Variants in TMEM156 observed in about 807,000 individuals in gnomAD.
The protein encoded by TMEM156 is transmembrane protein 156.
Under a neutral mutation model 30.5 loss-of-function variants are expected in TMEM156, and 28 were observed. That is an observed-to-expected ratio of 0.92 (90% CI 0.68 to 1.26). The LOEUF (loss-of-function observed/expected upper bound fraction) is 1.26. Ranked by LOEUF, TMEM156 falls within the 50% of genes most tolerant of loss-of-function variation. The pLI is 0.00. For synonymous variants in TMEM156, 137 were observed against 119.9 expected, an observed-to-expected ratio of 1.14 and a Z score of -0.93; for missense variants, 351 against 340.6, an observed-to-expected ratio of 1.03 and a Z score of -0.24.
intron 3 of TMEM156, among the ~76,000 whole-genome samples, chr4:38,990,837 T>TTTTTTTTTTTTTG (rs1560365356): frequency 7.7e-6 from 1 of 129,180 alleles, no homozygotes; most frequent in East Asian, 2.2e-4. Context: ...CTGGTTTTTT[T>TTTTTTTTTTTTTG]TTTTTTTTTT....
chr4:39,032,238 T>C lies in TMEM156; in HGVS notation c.76A>G (p.Lys26Glu), dbSNP rs867945193. The change falls in exon 1 of 7, where the codon AAG becomes GAG. Residue 26 changes from lysine to glutamate, a missense_variant. Lys to Glu is a moderately conservative substitution (Grantham distance 56). Transcript: ENST00000381938. ...TFILILPEYF[K>E]TPKERTLELS... ...ATTATATACTCACCTTTCGGTGTCT[T>C]GAAATATTCCGGCAAAATTAAAATG... 1.9e-6 allele frequency: 3 copies of C among 1,603,008 alleles called. No homozygotes were observed. The Middle Eastern group carries it at 5.0e-4, about 266-fold the overall frequency.
rs986193973 is a variant in TMEM156, at chr4:38,993,901, C to T, written c.456G>A (p.Leu152=). Residue 152 remains leucine, a synonymous_variant, in exon 3 of 7, where the codon TTG becomes TTA. Transcript: ENST00000381938. ...GATGACAGGTAGTGTTATATTCCTC[C>T]AAGTGGTCAACCAGAGGAGCTACAC... ...NFSVAPLVDH[L]EEYNTTCHLK... is the part of the protein sequence containing the mutation. 15 of 1,613,992 alleles carry T rather than the reference C, an allele frequency of 9.3e-6. No individual in the cohort carries two copies. The South Asian group carries it at 1.4e-4, about 15-fold the overall frequency.
chr4:39,003,612 T>C (rs1713532624), intron 1 of TMEM156, among the ~76,000 whole-genome samples: 1 of 151,366 alleles, frequency 6.6e-6, no homozygotes, highest in Admixed American at 6.7e-5. Context: ...GGGATCTTAA[T>C]ATATTTATAA....
chr4:38,975,806 A>G (rs1722825120), intron 5 of TMEM156, among the ~76,000 whole-genome samples: 1 of 152,176 alleles, frequency 6.6e-6, no homozygotes, highest in Admixed American at 6.5e-5. Context: ...CATGAACCAG[A>G]TGGGATTTCA....
intron 4 of TMEM156, 21 bp downstream of exon 4, chr4:38,988,830 C>G: frequency 1.2e-6 from 2 of 1,613,654 alleles, no homozygotes; most frequent in Non-Finnish European, 1.7e-6. Flanking sequence ...AGTTCCTCGG[C>G]ACTACAGGGA....
intron 1 of TMEM156, among the ~76,000 whole-genome samples, chr4:39,016,393 A>G (rs1174466671): frequency 2.7e-5 from 4 of 150,258 alleles, no homozygotes; most frequent in Non-Finnish European, 5.9e-5. Flanking sequence ...AAAGAAGAAG[A>G]AAGAAAGAAC....
At chr4:38,982,106 C>T (rs1044426937) in intron 5 of TMEM156, among the ~76,000 whole-genome samples, 2 of 152,110 alleles carry the variant, frequency 1.3e-5, no homozygotes, top group Admixed American at 1.3e-4. Context: ...TAATCAGCAG[C>T]GATGGAGGCC....
At chr4:39,003,063 T>A (rs1403229499) in intron 1 of TMEM156, among the ~76,000 whole-genome samples, 1 of 151,932 alleles carries the variant, frequency 6.6e-6, no homozygotes. Flanking sequence ...TGAAATAAAA[T>A]AATTACCCCT....
At position 39,004,965 on chromosome 4, in the gene TMEM156, G is replaced by A. The variant is rs1049577081; in HGVS notation, c.89-6056C>T. ...CAGCTTTCTTACTTATAATAGCCAA[G>A]AACTGGAAACAATTCAAATGTCTAA... On this transcript the variant is annotated intron_variant, in intron 1 of 6. Coordinates refer to ENST00000381938, the MANE Select transcript of TMEM156 (RefSeq NM_024943.3). Among the ~76,000 whole-genome samples the A allele has an allele frequency of 5.3e-5, 8 of 152,194 alleles. No individual in the cohort carries two copies. The South Asian group carries it at 6.2e-4, about 12-fold the overall frequency.
chr4:38,989,612 A>G (rs1712267492), intron 3 of TMEM156, among the ~76,000 whole-genome samples: 1 of 152,164 alleles, frequency 6.6e-6, no homozygotes, highest in Admixed American at 6.5e-5. Context: ...TTCAGATGAC[A>G]ATGAGGCAAC....
chr4:39,020,896 G>A (rs1386772129), intron 1 of TMEM156, among the ~76,000 whole-genome samples: 4 of 152,170 alleles, frequency 2.6e-5, no homozygotes, highest in East Asian at 1.9e-4. Flanking sequence ...CATAATGGCT[G>A]TACTATTTTA....
chr4:39,032,186 A>T (rs533099082), intron 1 of TMEM156, 40 bp downstream of exon 1: 171 of 1,344,302 alleles, frequency 1.3e-4, no homozygotes, highest in African/African-American at 5.7e-4. Context: ...TAATTTTTTT[A>T]AATTAAGAAA....
chr4:38,999,113 T>TA (rs749018002), intron 1 of TMEM156, among the ~76,000 whole-genome samples: 29,552 of 72,584 alleles, frequency 0.41, 3,172 homozygotes, highest in East Asian at 0.47. Flanking sequence ...TTTATTTATT[T>TA]TTTTTTTTTT....
chr4:39,022,604 G>C (rs1410124053), intron 1 of TMEM156, among the ~76,000 whole-genome samples: 1 of 152,064 alleles, frequency 6.6e-6, no homozygotes, highest in Non-Finnish European at 1.5e-5. Context: ...TTTGTCCCAG[G>C]AGTATTTTTC....
intron 1 of TMEM156, among the ~76,000 whole-genome samples, chr4:39,023,889 C>T (rs1388024083): frequency 6.6e-6 from 1 of 151,886 alleles, no homozygotes; most frequent in Non-Finnish European, 1.5e-5. Context: ...AGAAGCCAGA[C>T]CAAAAATATT....
At chr4:39,017,535 A>T (rs1461587066) in intron 1 of TMEM156, among the ~76,000 whole-genome samples, 1 of 152,106 alleles carries the variant, frequency 6.6e-6, no homozygotes, top group Non-Finnish European at 1.5e-5. Flanking sequence ...TGAGTTCAAT[A>T]TTCTAAATAC....
At chr4:39,000,331 G>A (rs757163196) in intron 1 of TMEM156, among the ~76,000 whole-genome samples, 2 of 152,136 alleles carry the variant, frequency 1.3e-5, no homozygotes, top group Non-Finnish European at 1.5e-5. Context: ...GGTTGAAGCT[G>A]CAGTGAACCA....
chr4:39,017,323 C>T (rs372200748), intron 1 of TMEM156, among the ~76,000 whole-genome samples: 13 of 151,428 alleles, frequency 8.6e-5, no homozygotes, highest in Non-Finnish European at 1.5e-4. Flanking sequence ...TACAGGTGCC[C>T]GCCACCACGC....
rs376203312 is a variant in TMEM156 at position 38,998,686 on chromosome 4, C to G, written c.312G>C (p.Glu104Asp). ...FKMCSSCLVC[E>D]SKGNMDFISQ... ...AAATAAAATCCATGTTTCCTTTAGACTCACAAACCAAACACGAGGAGCACA... is the reference window on the plus strand; with the variant it reads ...AAATAAAATCCATGTTTCCTTTAGAGTCACAAACCAAACACGAGGAGCACA... Residue 104 changes from glutamate to aspartate, a missense_variant, in exon 2 of 7, where the codon GAG (glutamate) becomes GAC (aspartate). Coordinates refer to ENST00000381938, the MANE Select transcript of TMEM156 (RefSeq NM_024943.3). 2.5e-6 allele frequency: 4 copies of G among 1,613,214 alleles called. No homozygotes were observed. Among genetic ancestry groups the G allele is most frequent in the Non-Finnish European group, 3.4e-6 (4 of 1,179,534 alleles).
Sources: allele counts gnomAD v4.1 joint callset (sites outside exome capture counted in the v4.1 genomes callset), GRCh38; gene constraint gnomAD v4.1.1; transcripts MANE v1.5; gene names NCBI Gene and HGNC (gene_info 2026-07-23, HGNC 2026-07-21).